Variants in ADAMTS17 observed in about 807,000 individuals in gnomAD.
The protein encoded by ADAMTS17 is ADAM metallopeptidase with thrombospondin type 1 motif 17, also known as A disintegrin and metalloproteinase with thrombospondin motifs 17.
Under a neutral mutation model 141.5 loss-of-function variants are expected in ADAMTS17, and 113 were observed. The ratio of observed to expected loss-of-function variants is 0.80; its 90% confidence interval spans 0.69 to 0.93. ADAMTS17 has a LOEUF of 0.93. ADAMTS17 is among the 40% of genes least tolerant of loss of function. The probability of loss-of-function intolerance (pLI) is 0.00; values close to 1 mark genes in which losing one functional copy is unlikely to be tolerated. For synonymous variants in ADAMTS17, 768 were observed against 630.6 expected, an observed-to-expected ratio of 1.22 and a Z score of -3.27; for missense variants, 1,659 against 1,517.9, an observed-to-expected ratio of 1.09 and a Z score of -1.54.
At chr15:100,190,895 A>G (rs1159725710) in intron 8 of ADAMTS17, among the ~76,000 whole-genome samples, 2 of 152,208 alleles carry the variant, frequency 1.3e-5, no homozygotes, top group African/African-American at 2.4e-5. Flanking sequence ...TCACGTGTGG[A>G]AAGAGCACTG....
At chr15:100,091,405 C>T (rs2035461756) in intron 15 of ADAMTS17, among the ~76,000 whole-genome samples, 1 of 152,170 alleles carries the variant, frequency 6.6e-6, no homozygotes, top group African/African-American at 2.4e-5. Context: ...AATCCAGTTA[C>T]AGGAACATGA....
intron 3 of ADAMTS17, among the ~76,000 whole-genome samples, chr15:100,301,860 T>G (rs1405730529): frequency 6.6e-6 from 1 of 152,228 alleles, no homozygotes; most frequent in Non-Finnish European, 1.5e-5. Context: ...GAGATACAAA[T>G]TACTATTAAA....
At chr15:100,296,728 C>T (rs1028646529) in intron 3 of ADAMTS17, among the ~76,000 whole-genome samples, 1 of 152,166 alleles carries the variant, frequency 6.6e-6, no homozygotes, top group African/African-American at 2.4e-5. Context: ...GGAGGTATGA[C>T]CCATGCCTGC....
chr15:100,340,707 G>A (rs1273887782), intron 2 of ADAMTS17, among the ~76,000 whole-genome samples: 1 of 152,160 alleles, frequency 6.6e-6, no homozygotes, highest in Admixed American at 6.5e-5. Flanking sequence ...TTGGGGCCAA[G>A]GCGCCTCTGT....
intron 18 of ADAMTS17, among the ~76,000 whole-genome samples, chr15:100,021,323 G>A (rs886248173): frequency 1.3e-5 from 2 of 152,200 alleles, no homozygotes; most frequent in South Asian, 2.1e-4. Flanking sequence ...GGATCTGGGC[G>A]TCATCTTGGA....
chr15:100,066,155 TTGCTATTGTAAACAG>T (rs1211396091), intron 15 of ADAMTS17, among the ~76,000 whole-genome samples: 1 of 152,224 alleles, frequency 6.6e-6, no homozygotes, highest in Non-Finnish European at 1.5e-5. Flanking sequence ...TTCCAAGTCT[TTGCTATTGTAAACAG>T]TGCTGCAATA....
chr15:100,328,164 A>T (rs2045949513), intron 3 of ADAMTS17, among the ~76,000 whole-genome samples: 1 of 152,186 alleles, frequency 6.6e-6, no homozygotes, highest in African/African-American at 2.4e-5. Flanking sequence ...GCTTGGATTA[A>T]TCTGATTAAT....
intron 18 of ADAMTS17, among the ~76,000 whole-genome samples, chr15:100,020,721 G>A (rs1364385741): frequency 6.6e-6 from 1 of 152,236 alleles, no homozygotes; most frequent in Non-Finnish European, 1.5e-5. Context: ...TTTCCCAGGG[G>A]CAACAGACAT....
At chr15:100,036,820 T>C (rs1449622821) in intron 18 of ADAMTS17, among the ~76,000 whole-genome samples, 1 of 152,188 alleles carries the variant, frequency 6.6e-6, no homozygotes. Context: ...ACATTGCATC[T>C]CGATGGAATT....
chr15:100,035,470 C>A (rs1414437232), intron 18 of ADAMTS17, among the ~76,000 whole-genome samples: 3 of 152,200 alleles, frequency 2.0e-5, no homozygotes, highest in Non-Finnish European at 4.4e-5. Flanking sequence ...TTCACTGTCT[C>A]ACCAGTGTGT....
chr15:100,005,125 C>G (rs565052185), intron 18 of ADAMTS17, among the ~76,000 whole-genome samples: 1 of 152,328 alleles, frequency 6.6e-6, no homozygotes, highest in South Asian at 2.1e-4. Context: ...TCCTGATCCT[C>G]CTGCGACTCT....
chr15:100,259,013 A>G lies in ADAMTS17; in HGVS notation c.1031+2466T>C, dbSNP rs554517909. ...TTACAAGTGCTTTCTCCACTCAATG[A>G]AACAGCAGGAAAGAGAGAAAACTTT... On this transcript the variant is annotated intron_variant, in intron 6 of 21. Coordinates refer to ENST00000268070, the MANE Select transcript of ADAMTS17 (RefSeq NM_139057.4). Among the ~76,000 whole-genome samples, 35 of 151,882 alleles carry G rather than the reference A, an allele frequency of 2.3e-4. 1 individual carries two copies. The highest frequency in any genetic ancestry group is 4.6e-4 in the Non-Finnish European group (31 of 67,998).
intron 15 of ADAMTS17, among the ~76,000 whole-genome samples, chr15:100,071,297 G>A (rs951929366): frequency 6.0e-5 from 9 of 149,886 alleles, no homozygotes; most frequent in African/African-American, 9.9e-5. Flanking sequence ...ATTCACAGCC[G>A]AATTCTACCA....
chr15:100,063,878 G>T lies in ADAMTS17; in HGVS notation c.2138-9824C>A, dbSNP rs952476027. ...CCCACAGTGGCTTCAGAAATGGAGG[G>T]CTGGCGCAGAAGAAGGAGGCTCTCC... is the stretch of plus-strand genomic sequence containing the variant. On this transcript the variant is annotated intron_variant, in intron 15 of 21. Coordinates refer to ENST00000268070, the MANE Select transcript of ADAMTS17 (RefSeq NM_139057.4). 1.1e-5 allele frequency: 7 copies of T among 611,108 alleles called. No individual in the cohort carries two copies. The Admixed American group carries it at 1.8e-4, about 15-fold the overall frequency. The allele number at this position is 611,108 out of a possible 1,614,324, so 37.9% of individuals were successfully genotyped here. A position where few individuals can be genotyped will look rare whatever the true frequency, so the allele number is the denominator to read the frequency against.
rs1391871111 is a variant in ADAMTS17, at chr15:100,302,601, G to A, written c.617-21200C>T. On this transcript the variant is annotated intron_variant, in intron 3 of 21. Transcript: ENST00000268070. ...ATAACCATCCAAGCAGGAGTGAGGT[G>A]GTACCTCATTGTAATTTTGATTTGC... 2.0e-5 allele frequency among the ~76,000 whole-genome samples: 3 copies of A among 152,158 alleles called. No homozygotes were observed. In the East Asian group the frequency reaches 5.8e-4, roughly 29 times the overall value.
In ADAMTS17 at chr15:100,152,333, G is replaced by A. The variant is rs537807315; in HGVS notation, c.1473+279C>T. Among the ~76,000 whole-genome samples, 33 of 152,288 alleles carry A rather than the reference G, an allele frequency of 2.2e-4. No homozygotes were observed. The South Asian group carries it at 4.6e-3, about 21-fold the overall frequency. On this transcript the variant is annotated intron_variant, in intron 10 of 21. Coordinates refer to ENST00000268070, the MANE Select transcript of ADAMTS17 (RefSeq NM_139057.4). Reference sequence around the variant, plus strand: ...GAAGGATTCCCCTGCAAAAGTGCCCGTGTGGGGGACTGTGTGTAGATGTGT... The same window carrying A: ...GAAGGATTCCCCTGCAAAAGTGCCCATGTGGGGGACTGTGTGTAGATGTGT...
chr15:100,232,373 G>A (rs995379335), intron 7 of ADAMTS17, among the ~76,000 whole-genome samples: 24 of 152,316 alleles, frequency 1.6e-4, no homozygotes, highest in African/African-American at 5.1e-4. Context: ...TTCAAGTCCC[G>A]GGTATCGACC....
intron 3 of ADAMTS17, among the ~76,000 whole-genome samples, chr15:100,317,709 G>A (rs1253260523): frequency 1.3e-5 from 2 of 152,212 alleles, no homozygotes; most frequent in Non-Finnish European, 2.9e-5. Context: ...AAAAGAAATA[G>A]TAAGTGCTTG....
intron 18 of ADAMTS17, among the ~76,000 whole-genome samples, chr15:100,047,130 C>G (rs1222321855): frequency 6.6e-6 from 1 of 151,810 alleles, no homozygotes; most frequent in Non-Finnish European, 1.5e-5. Context: ...ATGAAATGAG[C>G]CCCAGTCTCC....
Sources: gnomAD v4.1 joint callset for allele counts (sites outside exome capture counted in the v4.1 genomes callset) on GRCh38, gnomAD v4.1.1 for gene constraint, MANE v1.5 for transcripts, NCBI Gene and HGNC (gene_info 2026-07-23, HGNC 2026-07-21) for gene names.